The following METTL15 variants were observed in gnomAD, a reference collection of about 807,000 sequenced individuals.
METTL15 encodes methyltransferase 15, mitochondrial 12S rRNA N4-cytidine.
A neutral mutation model predicts 38.3 loss-of-function variants in METTL15; 34 were observed. The ratio of observed to expected loss-of-function variants is 0.89; its 90% confidence interval spans 0.68 to 1.18. The LOEUF (loss-of-function observed/expected upper bound fraction) is 1.18. METTL15 is among the 50% of genes most tolerant of loss of function. METTL15 has a pLI of 0.00. For synonymous variants in METTL15, 162 were observed against 170.9 expected (o/e 0.95, Z 0.41); for missense variants, 438 against 498.4 (o/e 0.88, Z 1.15).
At chr11:28,490,200 A>AC (rs1161870525) in intron 6 of METTL15, among the ~76,000 whole-genome samples, 2 of 152,136 alleles carry the variant, frequency 1.3e-5, no homozygotes, top group African/African-American at 4.8e-5. Context: ...ATGGAAAGAG[A>AC]TGTTAACTTC....
rs530173760 is a variant in METTL15, at chr11:28,279,667, G to T, written c.408-10539G>T. Reference sequence around the variant, plus strand: ...TGTAATCCCAGCACTTTGGGAGGCCGAGGCAGGTGGATCACAAGGTCAGGA... The same window carrying T: ...TGTAATCCCAGCACTTTGGGAGGCCTAGGCAGGTGGATCACAAGGTCAGGA... On this transcript the variant is annotated intron_variant, in intron 4 of 6. Transcript: ENST00000407364. Among the ~76,000 whole-genome samples the T allele has an allele frequency of 1.1e-3, 174 of 152,210 alleles. 1 individual carries two copies. In the Middle Eastern group the frequency reaches 0.017, roughly 15 times the overall value.
At position 28,380,932 on chromosome 11, in the gene METTL15, G is replaced by A. The variant is rs1318311713; in HGVS notation, c.*358+18896G>A. On this transcript the variant is annotated intron_variant and NMD_transcript_variant, in intron 5 of 7. Coordinates refer to the METTL15 transcript ENST00000532947. Reference sequence around the variant, plus strand: ...TGAGAAGTCTGTTGTCATACAAATTGGATTCCATCATATCTCATTCACTTC... The same window carrying A: ...TGAGAAGTCTGTTGTCATACAAATTAGATTCCATCATATCTCATTCACTTC... 4.6e-5 allele frequency among the ~76,000 whole-genome samples: 7 copies of A among 151,898 alleles called. 1 individual carries two copies. Among genetic ancestry groups the A allele is most frequent in the Admixed American group, 2.0e-4 (3 of 15,266 alleles).
At chr11:28,365,911 C>T (rs1274193789) in intron 5 of METTL15, among the ~76,000 whole-genome samples, 2 of 151,822 alleles carry the variant, frequency 1.3e-5, no homozygotes, top group Admixed American at 6.6e-5. Context: ...ATTAGTCGGG[C>T]GTGGTGGCAG....
intron 5 of METTL15, among the ~76,000 whole-genome samples, chr11:28,295,628 G>T (rs559140080): frequency 1.3e-5 from 2 of 151,930 alleles, no homozygotes; most frequent in South Asian, 4.2e-4. Flanking sequence ...AATCTGAAAA[G>T]CGAGGTTTGG....
chr11:28,179,907 G>A (rs890964891), intron 3 of METTL15, among the ~76,000 whole-genome samples: 2 of 151,706 alleles, frequency 1.3e-5, no homozygotes, highest in Non-Finnish European at 3.0e-5. Context: ...TATGCAATGC[G>A]ACTTAGCATT....
chr11:28,276,983 C>T (rs1039794182), intron 4 of METTL15, among the ~76,000 whole-genome samples: 5 of 152,118 alleles, frequency 3.3e-5, no homozygotes, highest in African/African-American at 1.2e-4. Flanking sequence ...TCTCCTGTAC[C>T]TTGGTTTAGG....
At chr11:28,526,760 G>A (rs898875486) in exon 8 of METTL15, 4 of 152,142 alleles carry the variant, frequency 2.6e-5, no homozygotes, top group Admixed American at 6.5e-5. Context: ...TAAGCCATTC[G>A]GTCTGTGGTA....
downstream of METTL15, among the ~76,000 whole-genome samples, chr11:28,336,799 A>G (rs1849904666): frequency 6.6e-6 from 1 of 152,142 alleles, no homozygotes; most frequent in Admixed American, 6.6e-5. Flanking sequence ...TTTCTTTTTT[A>G]TGTATTTACT....
intron 6 of METTL15, among the ~76,000 whole-genome samples, chr11:28,453,346 C>G (rs1305695542): frequency 1.3e-5 from 2 of 152,158 alleles, no homozygotes; most frequent in Non-Finnish European, 2.9e-5. Context: ...TACATTTGCT[C>G]CAATAAAGAG....
chr11:28,436,628 C>T (rs1850984567), intron 6 of METTL15, among the ~76,000 whole-genome samples: 1 of 151,736 alleles, frequency 6.6e-6, no homozygotes, highest in African/African-American at 2.4e-5. Context: ...TGTATATAGG[C>T]TCAGCAGAAA....
At chr11:28,428,034 G>A (rs943051960) in intron 6 of METTL15, among the ~76,000 whole-genome samples, 34 of 152,110 alleles carry the variant, frequency 2.2e-4, no homozygotes, top group African/African-American at 8.2e-4. Flanking sequence ...ATGTGCTTGG[G>A]CCTTGACTTT....
chr11:28,215,406 C>T lies in METTL15; in HGVS notation c.407+4208C>T, dbSNP rs112267171. Among the ~76,000 whole-genome samples the T allele has an allele frequency of 6.6e-4, 100 of 151,314 alleles. 1 individual carries two copies. The highest frequency in any genetic ancestry group is 2.3e-3 in the African/African-American group (95 of 41,220). On this transcript the variant is annotated intron_variant, in intron 4 of 6. Coordinates refer to ENST00000407364, the MANE Select transcript of METTL15 (RefSeq NM_001113528.2). The stretch of plus-strand genomic sequence containing the variant: ...AAGGGGTTCTGGTTTCTATGACCCA[C>T]GTTGGAGAAGAGGGAATCTAGTGTG...
intron 6 of METTL15, among the ~76,000 whole-genome samples, chr11:28,492,107 C>A (rs1166472709): frequency 6.6e-6 from 1 of 152,072 alleles, no homozygotes; most frequent in Non-Finnish European, 1.5e-5. Context: ...AAAAGTATGG[C>A]TGGTTTAGAA....
At position 28,468,139 on chromosome 11, in the gene METTL15, C is replaced by A. The variant is rs562559131; in HGVS notation, c.*424+43775C>A. 6.2e-4 allele frequency among the ~76,000 whole-genome samples: 94 copies of A among 152,300 alleles called. 3 individuals carry two copies. In the South Asian group the frequency reaches 0.019, roughly 31 times the overall value. ...TGACACACCCCAAGTGACTTGTTTT[C>A]CAGTCCTGCCCCGGACTCTAATTGG... On this transcript the variant is annotated intron_variant and NMD_transcript_variant, in intron 6 of 7. Coordinates refer to the METTL15 transcript ENST00000532947.
At chr11:28,247,382 G>T (rs1214106470) in intron 4 of METTL15, among the ~76,000 whole-genome samples, 1 of 152,048 alleles carries the variant, frequency 6.6e-6, no homozygotes, top group Non-Finnish European at 1.5e-5. Flanking sequence ...GCCACAGTTA[G>T]ACAATTTATA....
chr11:28,378,744 G>A (rs1054410728), intron 5 of METTL15, among the ~76,000 whole-genome samples: 1 of 142,846 alleles, frequency 7.0e-6, no homozygotes, highest in Non-Finnish European at 1.5e-5. Context: ...TGGGTTTGAA[G>A]TATTCCCTCC....
chr11:28,523,143 A>G (rs1217882387), intron 6 of METTL15, among the ~76,000 whole-genome samples: 1 of 152,190 alleles, frequency 6.6e-6, no homozygotes, highest in Non-Finnish European at 1.5e-5. Flanking sequence ...GGTACAGTAC[A>G]ATGAGAGGAT....
intron 6 of METTL15, among the ~76,000 whole-genome samples, chr11:28,323,012 T>C (rs1031716170): frequency 6.6e-6 from 1 of 152,178 alleles, no homozygotes; most frequent in African/African-American, 2.4e-5. Flanking sequence ...TTACAGATGA[T>C]TCGTTTCTTA....
chr11:28,358,504 A>T (rs4567438), intron 4 of METTL15, among the ~76,000 whole-genome samples: 1 of 152,180 alleles, frequency 6.6e-6, no homozygotes, highest in Non-Finnish European at 1.5e-5. Flanking sequence ...TGAATTTAGT[A>T]CTTTGGATCT....
Sources: allele counts gnomAD v4.1 joint callset (sites outside exome capture counted in the v4.1 genomes callset), GRCh38; gene constraint gnomAD v4.1.1; transcripts MANE v1.5; gene names NCBI Gene and HGNC (gene_info 2026-07-23, HGNC 2026-07-21).